Variants in DOK6 observed in about 807,000 individuals in gnomAD.
DOK6 encodes downstream of tyrosine kinase 6.
DOK6 carries 22 observed loss-of-function variants against 44.0 expected under a neutral mutation model. That is an observed-to-expected ratio of 0.50 (90% CI 0.36 to 0.71). The LOEUF (loss-of-function observed/expected upper bound fraction) is 0.71, where lower values mean the gene tolerates loss of function less well. Ranked by LOEUF, DOK6 falls within the 30% of genes least tolerant of loss-of-function variation. The pLI is 0.00. For missense variants in DOK6, 340 were observed against 416.4 expected (o/e 0.82, Z 1.60); for synonymous variants, 166 against 145.5 (o/e 1.14, Z -1.01).
chr18:69,728,756 C>T (rs1419185606), intron 5 of DOK6, among the ~76,000 whole-genome samples: 1 of 152,178 alleles, frequency 6.6e-6, no homozygotes, highest in African/African-American at 2.4e-5. Flanking sequence ...TTTTTCTTAC[C>T]TTCTCAACTA....
chr18:69,572,939 T>G (rs182105280), intron 2 of DOK6, among the ~76,000 whole-genome samples: 8 of 151,476 alleles, frequency 5.3e-5, no homozygotes, highest in Middle Eastern at 3.4e-3. Context: ...ACTTAGAAAA[T>G]GTTTTCAAGA....
chr18:69,720,015 C>A (rs920183052), intron 5 of DOK6, among the ~76,000 whole-genome samples: 2 of 152,082 alleles, frequency 1.3e-5, no homozygotes, highest in Non-Finnish European at 2.9e-5. Context: ...CATGGTGAAA[C>A]CCATCTCTAC....
chr18:69,783,960 GA>G (rs1353512008), intron 7 of DOK6, among the ~76,000 whole-genome samples: 3 of 152,212 alleles, frequency 2.0e-5, no homozygotes, highest in African/African-American at 7.2e-5. Context: ...TTGGGAGGCA[GA>G]GGCGTGTTGA....
At chr18:69,678,276 C>T (rs1047997442) in intron 4 of DOK6, among the ~76,000 whole-genome samples, 1 of 152,122 alleles carries the variant, frequency 6.6e-6, no homozygotes, top group Non-Finnish European at 1.5e-5. Context: ...ATAAACTGAA[C>T]AGTTCAAGTT....
At chr18:69,500,963 T>C (rs144633353) in intron 1 of DOK6, among the ~76,000 whole-genome samples, 6 of 152,250 alleles carry the variant, frequency 3.9e-5, no homozygotes, top group African/African-American at 1.4e-4. Flanking sequence ...ACATTTGGTT[T>C]TGGAGTGTGT....
chr18:69,573,866 T>C (rs1568300517), intron 2 of DOK6, among the ~76,000 whole-genome samples: 3 of 152,034 alleles, frequency 2.0e-5, no homozygotes, highest in East Asian at 3.8e-4. Context: ...CGCCACTCTT[T>C]ATCATTCAAA....
chr18:69,602,285 G>A (rs898875433), intron 3 of DOK6, among the ~76,000 whole-genome samples: 5 of 152,236 alleles, frequency 3.3e-5, no homozygotes, highest in Admixed American at 2.6e-4. Context: ...TTGATATGAC[G>A]TGATCAAAAA....
intron 3 of DOK6, among the ~76,000 whole-genome samples, chr18:69,616,826 A>T (rs11662469): frequency 0.61 from 92,170 of 151,600 alleles, 28,052 homozygotes; most frequent in South Asian, 0.68. Context: ...TGGGTGCCAG[A>T]CTTTTTGAAA....
Position 69,802,884 on chromosome 18 carries a change from G to C in DOK6, c.857-38360G>C, listed in dbSNP as rs570181070. On this transcript the variant is annotated intron_variant, in intron 7 of 7. Transcript: ENST00000382713. ...GTCCTAGGTATTCTTTATAGCAACA[G>C]AAAACTGACCAACACAGAAGATAAA... 1.8e-4 allele frequency among the ~76,000 whole-genome samples: 28 copies of C among 152,036 alleles called. 1 individual carries two copies. The highest frequency in any genetic ancestry group is 6.5e-4 in the African/African-American group (27 of 41,466).
At position 69,719,172 on chromosome 18, in the gene DOK6, C is replaced by G. The variant is rs542215642; in HGVS notation, c.600-19793C>G. 2.6e-5 allele frequency among the ~76,000 whole-genome samples: 4 copies of G among 152,292 alleles called. No homozygotes were observed. In the East Asian group the frequency reaches 7.7e-4, roughly 29 times the overall value. On this transcript the variant is annotated intron_variant, in intron 5 of 7. Coordinates refer to ENST00000382713, the MANE Select transcript of DOK6 (RefSeq NM_152721.6). ...GACAGGAGATGTTTCTCAAACCTGCCTCTCCAAGAGTTCCGAAGCTAGGGT... is the reference window on the plus strand; with the variant it reads ...GACAGGAGATGTTTCTCAAACCTGCGTCTCCAAGAGTTCCGAAGCTAGGGT...
chr18:69,600,746 G>A lies in DOK6; in HGVS notation c.289+1248G>A, dbSNP rs183435457. 2.1e-4 allele frequency among the ~76,000 whole-genome samples: 32 copies of A among 151,958 alleles called. 1 individual carries two copies. In the East Asian group the frequency reaches 5.4e-3, roughly 26 times the overall value. ...CCCAATTACTGTACATTTTCAAATTGTAGTGAGCAATATTTTGAATGTATA... is the reference window on the plus strand; with the variant it reads ...CCCAATTACTGTACATTTTCAAATTATAGTGAGCAATATTTTGAATGTATA... On this transcript the variant is annotated intron_variant, in intron 3 of 7. Transcript: ENST00000382713.
intron 7 of DOK6, among the ~76,000 whole-genome samples, chr18:69,811,535 T>C (rs1006764619): frequency 0.024 from 445 of 18,400 alleles, 5 homozygotes; most frequent in African/African-American, 0.045. Flanking sequence ...TATATATATA[T>C]ATATATATAT....
intron 1 of DOK6, among the ~76,000 whole-genome samples, chr18:69,530,889 G>A (rs985745987): frequency 2.0e-4 from 31 of 152,088 alleles, no homozygotes; most frequent in Non-Finnish European, 3.5e-4. Flanking sequence ...TTATTATTGT[G>A]TGGGAGTCTA....
At chr18:69,567,316 T>C (rs1027358156) in intron 2 of DOK6, among the ~76,000 whole-genome samples, 2 of 152,070 alleles carry the variant, frequency 1.3e-5, no homozygotes, top group African/African-American at 4.8e-5. Context: ...TGTGTCTTTA[T>C]TTTTTAAAAA....
chr18:69,537,387 G>A (rs1013722065), intron 1 of DOK6, among the ~76,000 whole-genome samples: 5 of 152,078 alleles, frequency 3.3e-5, no homozygotes, highest in East Asian at 1.9e-4. Context: ...TCATTATCAC[G>A]GCCCTTTCTT....
At chr18:69,415,465 C>T (rs1432631020) in intron 1 of DOK6, among the ~76,000 whole-genome samples, 1 of 152,062 alleles carries the variant, frequency 6.6e-6, no homozygotes, top group East Asian at 1.9e-4. Context: ...AGGTGTCATT[C>T]TGTGATGGTT....
intron 7 of DOK6, among the ~76,000 whole-genome samples, chr18:69,766,907 A>C (rs962579998): frequency 6.6e-6 from 1 of 152,098 alleles, no homozygotes; most frequent in Non-Finnish European, 1.5e-5. Context: ...GCTTGGGGAA[A>C]TTTGTTTGGT....
chr18:69,747,404 A>T (rs1979020211), intron 6 of DOK6, among the ~76,000 whole-genome samples: 2 of 152,212 alleles, frequency 1.3e-5, no homozygotes, highest in African/African-American at 4.8e-5. Context: ...AAAGGAAAAA[A>T]TTTCAGAGAC....
Position 69,617,599 on chromosome 18 carries a change from C to T in DOK6, c.289+18101C>T, listed in dbSNP as rs570733356. On this transcript the variant is annotated intron_variant, in intron 3 of 7. Transcript: ENST00000382713. Reference sequence around the variant, plus strand: ...AAGAAAGAGAGAGAGACAGAAAAGACTGAGCGATAGGAGAAAAGAAAGAAA... The same window carrying T: ...AAGAAAGAGAGAGAGACAGAAAAGATTGAGCGATAGGAGAAAAGAAAGAAA... Among the ~76,000 whole-genome samples, 27 of 122,016 alleles carry T rather than the reference C, an allele frequency of 2.2e-4. No individual in the cohort carries two copies. In the South Asian group the frequency reaches 7.1e-3, roughly 32 times the overall value. 80.0% of individuals were successfully genotyped at this position (122,016 alleles called of 152,430 possible). A position where few individuals can be genotyped will look rare whatever the true frequency, so the allele number is the denominator to read the frequency against.
Sources: allele counts gnomAD v4.1 joint callset (sites outside exome capture counted in the v4.1 genomes callset), GRCh38; gene constraint gnomAD v4.1.1; transcripts MANE v1.5; gene names NCBI Gene and HGNC (gene_info 2026-07-23, HGNC 2026-07-21).